Variants in ARHGAP26 observed in about 807,000 individuals in gnomAD.
The protein encoded by ARHGAP26 is rho GTPase-activating protein 26.
ARHGAP26 carries 38 observed loss-of-function variants against 104.8 expected under a neutral mutation model. That is an observed-to-expected ratio of 0.36 (90% CI 0.28 to 0.48). ARHGAP26 has a LOEUF of 0.48. Among genes scored for constraint, ARHGAP26 ranks in the 20% least tolerant of loss-of-function variants. The pLI is 0.99. For synonymous variants in ARHGAP26, 341 were observed against 340.0 expected (o/e 1.00, Z -0.03); for missense variants, 704 against 947.9 (o/e 0.74, Z 3.38).
intron 1 of ARHGAP26, among the ~76,000 whole-genome samples, chr5:142,796,479 C>T (rs1447272135): frequency 1.3e-5 from 2 of 152,216 alleles, no homozygotes; most frequent in South Asian, 2.1e-4. Context: ...AAAATTCCCA[C>T]ATATATTTCC....
chr5:142,844,051 G>GT (rs34122289), intron 1 of ARHGAP26, among the ~76,000 whole-genome samples: 6,715 of 132,062 alleles, frequency 0.051, 402 homozygotes, highest in African/African-American at 0.14. Flanking sequence ...CTAAAAGTGA[G>GT]TTTTTTTTTT....
intron 20 of ARHGAP26, chr5:143,166,017 CT>C: frequency 7.6e-7 from 1 of 1,317,108 alleles, no homozygotes; most frequent in Non-Finnish European, 1.0e-6. Flanking sequence ...CATCGTTGCT[CT>C]TTTAACAGGC....
At chr5:143,216,546 C>T in intron 22 of ARHGAP26, 1 of 327,654 alleles carries the variant, frequency 3.1e-6, no homozygotes, top group Non-Finnish European at 6.1e-6. Flanking sequence ...TGCCACCTGT[C>T]ACCTAACAAT....
intron 20 of ARHGAP26, among the ~76,000 whole-genome samples, chr5:143,196,240 C>T (rs1806811528): frequency 6.6e-6 from 1 of 152,044 alleles, no homozygotes; most frequent in Non-Finnish European, 1.5e-5. Flanking sequence ...CTTTCTCCTC[C>T]CCCATCACAG....
chr5:142,893,829 A>G (rs1759071158), intron 5 of ARHGAP26, among the ~76,000 whole-genome samples: 1 of 151,892 alleles, frequency 6.6e-6, no homozygotes, highest in Admixed American at 6.6e-5. Context: ...CATTTCCCTG[A>G]TAATTAGTGA....
At chr5:142,824,884 A>G (rs563310818) in intron 1 of ARHGAP26, among the ~76,000 whole-genome samples, 44 of 152,310 alleles carry the variant, frequency 2.9e-4, no homozygotes, top group African/African-American at 1.0e-3. Flanking sequence ...AATCTGGCAA[A>G]TGTTAAATAT....
intron 1 of ARHGAP26, among the ~76,000 whole-genome samples, chr5:142,867,496 A>G (rs886873062): frequency 2.6e-5 from 4 of 152,198 alleles, no homozygotes; most frequent in Admixed American, 1.3e-4. Flanking sequence ...CTCCAAGCAC[A>G]GTTTCTGATT....
chr5:142,870,570 C>T (rs1755138084), intron 1 of ARHGAP26, among the ~76,000 whole-genome samples: 1 of 152,192 alleles, frequency 6.6e-6, no homozygotes, highest in Non-Finnish European at 1.5e-5. Context: ...GTTATTCATG[C>T]TTACCTTTCC....
intron 12 of ARHGAP26, among the ~76,000 whole-genome samples, chr5:143,023,113 C>T (rs1354153248): frequency 2.6e-5 from 4 of 152,228 alleles, no homozygotes; most frequent in Non-Finnish European, 5.9e-5. Flanking sequence ...GTGTGGCCCA[C>T]CACTCTCCCA....
chr5:143,117,732 T>C (rs2150763810), intron 17 of ARHGAP26, among the ~76,000 whole-genome samples: 1 of 152,356 alleles, frequency 6.6e-6, no homozygotes, highest in African/African-American at 2.4e-5. Context: ...ATCAGAGTAA[T>C]TATTACTCAT....
intron 1 of ARHGAP26, among the ~76,000 whole-genome samples, chr5:142,854,434 G>GT (rs1215225080): frequency 6.6e-5 from 10 of 152,196 alleles, no homozygotes; most frequent in African/African-American, 2.4e-4. Flanking sequence ...TTTGGGGAAC[G>GT]TAAGGACTAT....
chr5:142,963,192 A>ATGTGTGTGTGTGTGTGTGTGTG (rs1226879690), intron 11 of ARHGAP26, among the ~76,000 whole-genome samples: 1 of 104,412 alleles, frequency 9.6e-6, no homozygotes, highest in African/African-American at 6.5e-5. Flanking sequence ...ATATATATAT[A>ATGTGTGTGTGTGTGTGTGTGTG]TATATATGTG....
intron 1 of ARHGAP26, among the ~76,000 whole-genome samples, chr5:142,828,016 C>G (rs1215666908): frequency 6.6e-6 from 1 of 152,132 alleles, no homozygotes. Flanking sequence ...TGAAGTAGGA[C>G]TAGTAGATGG....
chr5:143,105,713 G>A (rs757233720), intron 17 of ARHGAP26, among the ~76,000 whole-genome samples: 4 of 152,156 alleles, frequency 2.6e-5, no homozygotes, highest in Non-Finnish European at 4.4e-5. Flanking sequence ...AAAATGCCAC[G>A]TGTGCATTCT....
At chr5:143,075,886 A>C (rs1345184448) in intron 17 of ARHGAP26, among the ~76,000 whole-genome samples, 1 of 151,694 alleles carries the variant, frequency 6.6e-6, no homozygotes, top group African/African-American at 2.4e-5. Flanking sequence ...TTTTGTAGAG[A>C]TGGGGTTTTA....
At chr5:142,930,603 C>G (rs961194951) in intron 10 of ARHGAP26, among the ~76,000 whole-genome samples, 10 of 151,960 alleles carry the variant, frequency 6.6e-5, no homozygotes, top group Admixed American at 2.0e-4. Flanking sequence ...CCCCACTCCC[C>G]TTTCTGTCTC....
chr5:142,959,532 C>A, intron 11 of ARHGAP26, among the ~76,000 whole-genome samples: 1 of 152,162 alleles, frequency 6.6e-6, no homozygotes, highest in East Asian at 1.9e-4. Context: ...TGCTGGCTGT[C>A]AGCCAGGACC....
chr5:143,134,635 A>T (rs1194440801), intron 19 of ARHGAP26, among the ~76,000 whole-genome samples: 1 of 152,186 alleles, frequency 6.6e-6, no homozygotes, highest in Non-Finnish European at 1.5e-5. Context: ...ATTAGGGAAC[A>T]ATACCTTACT....
rs577744943 is a variant in ARHGAP26 at position 142,932,180 on chromosome 5, G to C, written c.1107+55G>C. The C allele has an allele frequency of 1.2e-4, 176 of 1,520,562 alleles. 1 individual carries two copies. In the South Asian group the frequency reaches 1.8e-3, roughly 16 times the overall value. 94.2% of individuals were successfully genotyped at this position (1,520,562 alleles called of 1,614,324 possible). On this transcript the variant is annotated intron_variant, in intron 11 of 22. Coordinates refer to ENST00000645722, the MANE Select transcript of ARHGAP26 (RefSeq NM_001135608.3). ...GAATGAAGGCCCTGAGTTGTTTGTT[G>C]CTTCCCTAGTGCAGTGATTTTTGCT...
Sources: allele counts gnomAD v4.1 joint callset (sites outside exome capture counted in the v4.1 genomes callset), GRCh38; gene constraint gnomAD v4.1.1; transcripts MANE v1.5; gene names NCBI Gene and HGNC (gene_info 2026-07-23, HGNC 2026-07-21).